Variants in PLEC observed in about 807,000 individuals in gnomAD.
PLEC encodes plectin.
In PLEC, 216 loss-of-function variants were observed where a neutral mutation model predicts 392.8. The observed-to-expected ratio is 0.55, with a 90% CI of 0.49 to 0.62. The LOEUF (loss-of-function observed/expected upper bound fraction) is 0.62. Among genes scored for constraint, PLEC ranks in the 20% least tolerant of loss-of-function variants. PLEC has a pLI of 0.00. For synonymous variants in PLEC, 3,621 were observed against 2,980.6 expected (o/e 1.21, Z -7.00); for missense variants, 6,863 against 6,563.4 (o/e 1.05, Z -1.58).
chr8:143,926,027 A>T lies in PLEC; in HGVS notation c.4045-143T>A. On this transcript the variant is annotated intron_variant, in intron 30 of 31. Coordinates refer to ENST00000345136, the MANE Select transcript of PLEC (RefSeq NM_201384.3). ...CAGAGGCCCCAGCCCGGCGGAGGAG[A>T]CAGCGTGCACCCGCCCAGGGCGCTC... The T allele has an allele frequency of 3.1e-6, 3 of 963,618 alleles. No individual in the cohort carries two copies. The South Asian group carries it at 4.2e-5, about 14-fold the overall frequency. The allele number at this position is 963,618 out of a possible 1,614,324, so 59.7% of individuals were successfully genotyped here.
chr8:143,923,192 C>G lies in PLEC; in HGVS notation c.6737G>C (p.Arg2246Pro), dbSNP rs1444747601. 6.2e-7 allele frequency: 1 copy of G among 1,602,588 alleles called. No individual in the cohort carries two copies. Among genetic ancestry groups the G allele is most frequent in the Non-Finnish European group, 8.5e-7 (1 of 1,179,884 alleles). ...GAGTGCGCGGTTCTCAGCCTCGATGCGTGCCTTGAGCTTGCTCAGCTCCTC... is the reference window on the plus strand; with the variant it reads ...GAGTGCGCGGTTCTCAGCCTCGATGGGTGCCTTGAGCTTGCTCAGCTCCTC... ...QMEELSKLKA[R>P]IEAENRALIL... Residue 2246 changes from arginine to proline, a missense_variant, in exon 31 of 32, where the codon CGC becomes CCC. Transcript: ENST00000345136.
intron 1 of PLEC, among the ~76,000 whole-genome samples, chr8:143,963,483 C>G (rs1832955177): frequency 6.6e-6 from 1 of 152,158 alleles, no homozygotes; most frequent in Non-Finnish European, 1.5e-5. Context: ...TTATATTTCT[C>G]CCTTTGGGAA....
In PLEC at chr8:143,925,333, C is replaced by T. The variant is rs1288803761; in HGVS notation, c.4596G>A (p.Gln1532=). The T allele has an allele frequency of 6.4e-7, 1 of 1,557,004 alleles. No homozygotes were observed. The highest frequency in any genetic ancestry group is 2.4e-5 in the East Asian group (1 of 42,110). Residue 1532 remains glutamine, a synonymous_variant, in exon 31 of 32, where the codon CAG becomes CAA. Transcript: ENST00000345136. ...GCTCCTCCAGGGCCTGCAGGGCCCG[C>T]TGCTTCTCGCGCGCCGCCTCGGCCT... ...KAEAEAAREK[Q]RALQALEELR...
chr8:143,968,529 C>CAAAAA (rs57468544), intron 1 of PLEC, among the ~76,000 whole-genome samples: 3 of 63,710 alleles, frequency 4.7e-5, no homozygotes, highest in Admixed American at 1.8e-4. Context: ...AACTCCATCT[C>CAAAAA]AAAAAAAAAA....
chr8:143,965,594 C>T (rs148566846), intron 1 of PLEC, among the ~76,000 whole-genome samples: 332 of 152,356 alleles, frequency 2.2e-3, no homozygotes, highest in Non-Finnish European at 4.1e-3. Flanking sequence ...CCACTAGCAT[C>T]GCCCTTCCCA....
chr8:143,932,443 C>T lies in PLEC; in HGVS notation c.1934G>A (p.Ser645Asn). 1.2e-6 allele frequency: 2 copies of T among 1,612,888 alleles called. No individual in the cohort carries two copies. The highest frequency in any genetic ancestry group is 1.7e-6 in the Non-Finnish European group (2 of 1,179,982). Residue 645 changes from serine (S) to asparagine (N), a missense_variant, in exon 16 of 32, where the codon AGC (serine) becomes AAC (asparagine). Transcript: ENST00000345136. ...GGCGGTCATGTTGGTGTTGCGGTCGCTCCAGTCGAAGCCCACCTCCTCCTC... is the reference window on the plus strand; with the variant it reads ...GGCGGTCATGTTGGTGTTGCGGTCGTTCCAGTCGAAGCCCACCTCCTCCTC... ...KEEEEVGFDW[S>N]DRNTNMTAKK...
rs771803576 is a variant in PLEC, at chr8:143,930,416, G to A, written c.2425C>T (p.Leu809=). Residue 809 remains leucine, a synonymous_variant, in exon 20 of 32, where the codon CTG becomes TTG. Coordinates refer to ENST00000345136, the MANE Select transcript of PLEC (RefSeq NM_201384.3). ...TGCTTATAGTCGCACACGGCCAGCA[G>A]GGGCAGGCGGCCCCGCATGGGGTGG... ...PAHPMRGRLP[L]LAVCDYKQVE... 223 of 1,572,562 alleles carry A rather than the reference G, an allele frequency of 1.4e-4. 1 individual carries two copies. Among genetic ancestry groups the A allele is most frequent in the Admixed American group, 5.5e-5 (3 of 54,296 alleles).
At chr8:143,929,310 C>G (rs575603576) in intron 24 of PLEC, 29 bp from the exon 25 acceptor site, 8 of 1,596,030 alleles carry the variant, frequency 5.0e-6, no homozygotes, top group African/African-American at 4.0e-5. Flanking sequence ...GGAACGCACT[C>G]ATCACCGAGC....
chr8:143,925,848 G>A lies in PLEC; in HGVS notation c.4081C>T (p.Arg1361Trp), dbSNP rs1226356797. The change falls in exon 31 of 32, where the codon CGG becomes TGG. Residue 1361 changes from arginine (R) to tryptophan (W), a missense_variant. By Grantham distance (101) the Arg-to-Trp change is moderately radical. Coordinates refer to ENST00000345136, the MANE Select transcript of PLEC (RefSeq NM_201384.3). ...AEQQRAEERE[R>W]LAEVEAALEK... Reference sequence around the variant, plus strand: ...AGCGCGGCCTCCACCTCGGCCAGCCGCTCGCGCTCCTCTGCCCGCTGCTGC... The same window carrying A: ...AGCGCGGCCTCCACCTCGGCCAGCCACTCGCGCTCCTCTGCCCGCTGCTGC... 7 of 1,550,656 alleles carry A rather than the reference G, an allele frequency of 4.5e-6. No individual in the cohort carries two copies. The highest frequency in any genetic ancestry group is 4.7e-5 in the East Asian group (2 of 42,120).
chr8:143,936,643 G>A (rs944531428), intron 5 of PLEC, among the ~76,000 whole-genome samples: 2 of 152,238 alleles, frequency 1.3e-5, no homozygotes, highest in Admixed American at 6.5e-5. Flanking sequence ...TGTGCAGCCA[G>A]GACAAGCAGC....
upstream of PLEC, among the ~76,000 whole-genome samples, chr8:143,956,524 C>T (rs951414659): frequency 2.0e-5 from 3 of 152,208 alleles, no homozygotes; most frequent in Admixed American, 6.5e-5. Flanking sequence ...GCCGTGATTG[C>T]GCCACTGCAT....
In PLEC at chr8:143,922,002, C is replaced by G. The variant is rs1554687976; in HGVS notation, c.7819G>C (p.Ala2607Pro). 6.3e-7 allele frequency: 1 copy of G among 1,598,240 alleles called. No homozygotes were observed. The highest frequency in any genetic ancestry group is 1.1e-5 in the South Asian group (1 of 90,974). Residue 2607 changes from alanine to proline, a missense_variant, in exon 32 of 32, where the codon GCC (alanine) becomes CCC (proline). Transcript: ENST00000345136. ...QLQLLEEQHR[A>P]ALAHSEEVTA... is the part of the protein sequence containing the mutation. ...ACCTCCTCTGAGTGCGCCAGCGCGGCCCGGTGCTGCTCCTCCAGGAGCTGC... is the reference window on the plus strand; with the variant it reads ...ACCTCCTCTGAGTGCGCCAGCGCGGGCCGGTGCTGCTCCTCCAGGAGCTGC...
rs782284581 is a variant in PLEC at position 143,919,973 on chromosome 8, T to G, written c.9848A>C (p.Lys3283Thr). The G allele has an allele frequency of 1.9e-6, 3 of 1,613,232 alleles. No homozygotes were observed. In the African/African-American group the frequency reaches 4.0e-5, roughly 22 times the overall value. Residue 3283 changes from lysine (K) to threonine (T), a missense_variant, in exon 32 of 32, where the codon AAG becomes ACG. Physicochemically the swap from Lys to Thr is moderately conservative, Grantham distance 78. Coordinates refer to ENST00000345136, the MANE Select transcript of PLEC (RefSeq NM_201384.3). ...GATGGTAATGAGAATCTTGATGACC[T>G]TCTCCACGGTGACCTTGCCCGTGCG... ...QFRTGKVTVEKVIKILITIVE... is the reference protein window; with the variant it reads ...QFRTGKVTVETVIKILITIVE...
intron 3 of PLEC, chr8:143,937,699 G>A (rs782471271): frequency 2.5e-5 from 12 of 488,656 alleles, no homozygotes; most frequent in East Asian, 1.2e-4. Flanking sequence ...CGGGCTCCAC[G>A]GTCTTGGGGA....
At chr8:143,947,635 A>G (rs1464068104) in intron 1 of PLEC, among the ~76,000 whole-genome samples, 1 of 151,762 alleles carries the variant, frequency 6.6e-6, no homozygotes, top group East Asian at 1.9e-4. Context: ...CTGTAATCCC[A>G]GCTACTCAGG....
rs566759064 is a variant in PLEC at position 143,924,366 on chromosome 8, C to T, written c.5563G>A (p.Ala1855Thr). The T allele has an allele frequency of 2.9e-5, 47 of 1,596,888 alleles. No individual in the cohort carries two copies. The highest frequency in any genetic ancestry group is 1.2e-4 in the African/African-American group (9 of 74,948). Residue 1855 changes from alanine (A) to threonine (T), a missense_variant, in exon 31 of 32, where the codon GCG becomes ACG. Physicochemically the swap from Ala to Thr is moderately conservative, Grantham distance 58 (BLOSUM62 0). Transcript: ENST00000345136. ...ATRLKTEAEI[A>T]LKEKEAENER... ...TTCTCCGCCTCCTTCTCCTTGAGCG[C>T]GATCTCCGCCTCCGTCTTGAGCCGC...
intron 1 of PLEC, among the ~76,000 whole-genome samples, chr8:143,963,869 T>C (rs1324997873): frequency 1.3e-5 from 2 of 149,070 alleles, no homozygotes; most frequent in African/African-American, 2.5e-5. Context: ...CTGGAGTGCA[T>C]TGGTGCAGTC....
At chr8:143,926,110 C>A (rs1440759887) in intron 30 of PLEC, among the ~76,000 whole-genome samples, 1 of 152,256 alleles carries the variant, frequency 6.6e-6, no homozygotes, top group Non-Finnish European at 1.5e-5. Context: ...GAGGCCCAGG[C>A]GTCCTCCCTG....
chr8:143,970,478 G>A (rs1279906349), intron 1 of PLEC, among the ~76,000 whole-genome samples: 8 of 152,096 alleles, frequency 5.3e-5, no homozygotes, highest in Admixed American at 2.6e-4. Context: ...GGAGCCACTG[G>A]CTTTTCATGT....
Sources: gnomAD v4.1 joint callset for allele counts (sites outside exome capture counted in the v4.1 genomes callset) on GRCh38, gnomAD v4.1.1 for gene constraint, MANE v1.5 for transcripts, NCBI Gene and HGNC (gene_info 2026-07-23, HGNC 2026-07-21) for gene names.